The following GABPB2 variants were observed in gnomAD, a reference collection of about 807,000 sequenced individuals.
GABPB2 encodes the protein GA binding protein transcription factor subunit beta 2.
In GABPB2, 23 loss-of-function variants were observed where a neutral mutation model predicts 39.1. That is an observed-to-expected ratio of 0.59 (90% CI 0.42 to 0.83). The LOEUF (loss-of-function observed/expected upper bound fraction) is 0.83, where lower values mean the gene tolerates loss of function less well. Among genes scored for constraint, GABPB2 ranks in the 40% least tolerant of loss-of-function variants. The pLI is 0.00. For synonymous variants in GABPB2, 184 were observed against 199.3 expected, an observed-to-expected ratio of 0.92 and a Z score of 0.65; for missense variants, 467 against 541.1, an observed-to-expected ratio of 0.86 and a Z score of 1.36.
intron 1 of GABPB2, among the ~76,000 whole-genome samples, chr1:151,077,598 G>A (rs1035236322): frequency 5.9e-5 from 9 of 151,266 alleles, no homozygotes; most frequent in Non-Finnish European, 1.3e-4. Flanking sequence ...CTTGTGATCC[G>A]CCGCGCCCGG....
intron 1 of GABPB2, among the ~76,000 whole-genome samples, chr1:151,077,528 T>C (rs1313659187): frequency 6.6e-6 from 1 of 151,884 alleles, no homozygotes; most frequent in Non-Finnish European, 1.5e-5. Flanking sequence ...AGCTAATTTT[T>C]GTATTTTTAG....
chr1:151,099,048 C>T (rs1330126768), intron 5 of GABPB2, among the ~76,000 whole-genome samples: 1 of 141,738 alleles, frequency 7.1e-6, no homozygotes. Flanking sequence ...TGCGCCATTG[C>T]GCTCCAGCCT....
intron 1 of GABPB2, among the ~76,000 whole-genome samples, chr1:151,074,008 G>C (rs1351524226): frequency 8.4e-6 from 1 of 119,500 alleles, no homozygotes; most frequent in Non-Finnish European, 1.7e-5. Context: ...TGAGAGTCTT[G>C]CTCTGTCGCC....
chr1:151,088,999 AAAG>A (rs983492270), intron 2 of GABPB2, among the ~76,000 whole-genome samples: 23 of 152,274 alleles, frequency 1.5e-4, no homozygotes, highest in South Asian at 2.1e-4. Context: ...AAAAAAAAAA[AAAG>A]AAGTCATCTA....
chr1:151,076,919 G>A (rs587664410), intron 1 of GABPB2, among the ~76,000 whole-genome samples: 7 of 150,472 alleles, frequency 4.7e-5, no homozygotes, highest in Non-Finnish European at 8.9e-5. Context: ...TCAGCCTCCC[G>A]AGTAGCTGGG....
At chr1:151,088,738 C>T (rs587719776) in intron 2 of GABPB2, among the ~76,000 whole-genome samples, 6 of 152,316 alleles carry the variant, frequency 3.9e-5, no homozygotes, top group Non-Finnish European at 7.4e-5. Context: ...TGGTGGCTCA[C>T]GCCTGTAATC....
In GABPB2 at chr1:151,084,244, G is replaced by C. The variant is rs370458154; in HGVS notation, c.1-3946G>C. Among the ~76,000 whole-genome samples the C allele has an allele frequency of 3.8e-4, 57 of 151,442 alleles. No individual in the cohort carries two copies. The East Asian group carries it at 0.011, about 28-fold the overall frequency. ...TTTGTTTGTTTGTTTTGTTTTTTGAGACGGAGTTTCACTCTTGTTGCTCAG... is the reference window on the plus strand; with the variant it reads ...TTTGTTTGTTTGTTTTGTTTTTTGACACGGAGTTTCACTCTTGTTGCTCAG... On this transcript the variant is annotated intron_variant, in intron 1 of 8. Coordinates refer to ENST00000368918, the MANE Select transcript of GABPB2 (RefSeq NM_144618.3).
At chr1:151,113,702 G>C (rs1484795549) in intron 7 of GABPB2, among the ~76,000 whole-genome samples, 1 of 152,216 alleles carries the variant, frequency 6.6e-6, no homozygotes, top group Admixed American at 6.5e-5. Context: ...ATTTTTGGTA[G>C]AGACAGGGTT....
chr1:151,079,099 C>T (rs1260792811), intron 1 of GABPB2, among the ~76,000 whole-genome samples: 1 of 151,894 alleles, frequency 6.6e-6, no homozygotes, highest in Non-Finnish European at 1.5e-5. Context: ...AATATAGCAC[C>T]CTATTTACAT....
At chr1:151,088,828 G>C (rs936861248) in intron 2 of GABPB2, among the ~76,000 whole-genome samples, 3 of 152,070 alleles carry the variant, frequency 2.0e-5, no homozygotes, top group African/African-American at 7.2e-5. Flanking sequence ...GGTGAAACCC[G>C]TTTCTACTAA....
intron 4 of GABPB2, among the ~76,000 whole-genome samples, chr1:151,097,230 A>G (rs1319154389): frequency 6.6e-6 from 1 of 152,020 alleles, no homozygotes; most frequent in African/African-American, 2.4e-5. Flanking sequence ...TCATTTTTCA[A>G]ATGAAAAAAA....
intron 1 of GABPB2, among the ~76,000 whole-genome samples, chr1:151,080,503 C>T (rs1031944114): frequency 1.1e-4 from 16 of 145,202 alleles, no homozygotes; most frequent in Non-Finnish European, 2.2e-4. Context: ...AAGAGCAAAA[C>T]TCCATCTCTA....
intron 1 of GABPB2, among the ~76,000 whole-genome samples, chr1:151,071,893 C>T (rs139525590): frequency 2.6e-4 from 39 of 152,372 alleles, no homozygotes; most frequent in African/African-American, 8.2e-4. Flanking sequence ...CCTGTTTTCA[C>T]ATACTTCCTT....
chr1:151,103,558 A>G lies in GABPB2; in HGVS notation c.623-4A>G. 1.9e-6 allele frequency: 3 copies of G among 1,603,870 alleles called. No homozygotes were observed. Among genetic ancestry groups the G allele is most frequent in the South Asian group, 2.2e-5 (2 of 90,460 alleles). On this transcript the variant is annotated splice_region_variant and splice_polypyrimidine_tract_variant and intron_variant, in intron 5 of 8. Coordinates refer to ENST00000368918, the MANE Select transcript of GABPB2 (RefSeq NM_144618.3). The stretch of plus-strand genomic sequence containing the variant: ...GACCTCATTTGTCTTTCTTACTGAA[A>G]TAGGTGACCCCCATGCCTCAACAGT...
chr1:151,079,173 G>C (rs1677439946), intron 1 of GABPB2, among the ~76,000 whole-genome samples: 1 of 152,142 alleles, frequency 6.6e-6, no homozygotes, highest in Non-Finnish European at 1.5e-5. Context: ...ATCATGGCTT[G>C]TTGAAAGAAT....
Position 151,123,454 on chromosome 1 carries a change from C to CA in GABPB2, c.*5214dup, listed in dbSNP as rs879010713. The CA allele has an allele frequency of 0.064, 4,953 of 77,164 alleles. 259 individuals carry two copies. The highest frequency in any genetic ancestry group is 0.2 in the African/African-American group (4,252 of 21,382). 4.8% of individuals were successfully genotyped at this position (77,164 alleles called of 1,614,324 possible). A position where few individuals can be genotyped will look rare whatever the true frequency, so the allele number is the denominator to read the frequency against. The stretch of plus-strand genomic sequence containing the variant: ...TGGGCAATAGAGCGAGACTCTGTCT[C>CA]AAAAAAAAAAAAAAAAGAAGGAAAG... On this transcript the variant is annotated 3_prime_UTR_variant, in exon 9 of 9. Transcript: ENST00000368918.
intron 1 of GABPB2, 137 bp downstream of exon 1, chr1:151,071,071 C>T (rs1676664370): frequency 6.8e-6 from 1 of 147,484 alleles, no homozygotes; most frequent in Non-Finnish European, 1.5e-5. Flanking sequence ...GTCACTGAAG[C>T]GGGGGCAGCG....
Position 151,122,093 on chromosome 1 carries a change from C to G in GABPB2, c.*3837C>G, listed in dbSNP as rs1681204395. 6.6e-6 allele frequency: 1 copy of G among 152,100 alleles called. No individual in the cohort carries two copies. The highest frequency in any genetic ancestry group is 6.6e-5 in the Admixed American group (1 of 15,260). 9.4% of individuals were successfully genotyped at this position (152,100 alleles called of 1,614,324 possible). On this transcript the variant is annotated 3_prime_UTR_variant, in exon 9 of 9. Coordinates refer to ENST00000368918, the MANE Select transcript of GABPB2 (RefSeq NM_144618.3). ...CAGAGGAGCAGAATCACTTGGGTCT[C>G]AAAATAGACTGAAAATTTAACTCCC...
At chr1:151,092,356 C>T (rs1262428011) in intron 3 of GABPB2, among the ~76,000 whole-genome samples, 1 of 151,862 alleles carries the variant, frequency 6.6e-6, no homozygotes, top group African/African-American at 2.4e-5. Context: ...CCACCCGCCT[C>T]AGCCTCCCAA....
Sources: gnomAD v4.1 joint callset for allele counts (sites outside exome capture counted in the v4.1 genomes callset) on GRCh38, gnomAD v4.1.1 for gene constraint, MANE v1.5 for transcripts, NCBI Gene and HGNC (gene_info 2026-07-23, HGNC 2026-07-21) for gene names.